The following BRD9 variants were observed in gnomAD, a reference collection of about 807,000 sequenced individuals.
BRD9 encodes bromodomain containing 9, also known as bromodomain-containing protein 9.
BRD9 carries 47 observed loss-of-function variants against 68.7 expected under a neutral mutation model. The ratio of observed to expected loss-of-function variants is 0.68; its 90% confidence interval spans 0.54 to 0.87. BRD9 has a LOEUF of 0.87. Among genes scored for constraint, BRD9 ranks in the 40% least tolerant of loss-of-function variants. The pLI, the probability that BRD9 is intolerant of heterozygous loss-of-function variation, is 0.00. For synonymous variants in BRD9, 313 were observed against 293.9 expected (o/e 1.06, Z -0.67); for missense variants, 670 against 748.4 (o/e 0.90, Z 1.22).
chr5:866,810 G>GA (rs1248553205), intron 14 of BRD9, among the ~76,000 whole-genome samples: 1 of 152,148 alleles, frequency 6.6e-6, no homozygotes, highest in Admixed American at 6.5e-5. Context: ...TGCACAAACA[G>GA]AAAAATGACC....
In BRD9 at chr5:870,486, C is replaced by T; in HGVS notation, c.1512G>A (p.Met504Ile). Residue 504 changes from methionine (M) to isoleucine (I), a missense_variant, in exon 14 of 16, where the codon ATG (methionine) becomes ATA (isoleucine). By Grantham distance (10) the Met-to-Ile change is conservative. Transcript: ENST00000467963. ...GTTACAACTCACCCAGAGAGCTGAGCATGGAGATATCCACAGAAACGTCGG... is the reference window on the plus strand; with the variant it reads ...GTTACAACTCACCCAGAGAGCTGAGTATGGAGATATCCACAGAAACGTCGG... ...SYPDVSVDISMLSSLGKVKKE... is the reference protein window; with the variant it reads ...SYPDVSVDISILSSLGKVKKE... 1 of 1,613,704 alleles carries T rather than the reference C, an allele frequency of 6.2e-7. No individual in the cohort carries two copies. The highest frequency in any genetic ancestry group is 1.7e-5 in the Admixed American group (1 of 60,014).
At position 886,398 on chromosome 5, in the gene BRD9, CAG is replaced by C. The variant is rs1213928744; in HGVS notation, c.833+192_833+193del. ...ACGGGCTTGGGTACCACACCTGGGT[CAG>C]AGAGTGCACGTGGCCGGTGGGCAGG... is the stretch of plus-strand genomic sequence containing the variant. On this transcript the variant is annotated intron_variant, in intron 7 of 15. Coordinates refer to ENST00000467963, the MANE Select transcript of BRD9 (RefSeq NM_023924.5). Among the ~76,000 whole-genome samples the C allele has an allele frequency of 2.0e-5, 3 of 152,152 alleles. No homozygotes were observed. The East Asian group carries it at 5.8e-4, about 29-fold the overall frequency.
rs138580367 is a variant in BRD9 at position 870,052 on chromosome 5, G to A, written c.1525+421C>T. 1.8e-3 allele frequency among the ~76,000 whole-genome samples: 272 copies of A among 152,338 alleles called. 2 individuals are homozygous for A. The highest frequency in any genetic ancestry group is 6.3e-3 in the African/African-American group (262 of 41,574). On this transcript the variant is annotated intron_variant, in intron 14 of 15. Coordinates refer to ENST00000467963, the MANE Select transcript of BRD9 (RefSeq NM_023924.5). The stretch of plus-strand genomic sequence containing the variant: ...TTCTGCGGGGTGTCACCCAGGGTAC[G>A]GATGGGCCCCAGGTGGGAGCGATGC...
intron 8 of BRD9, chr5:883,670 A>G: frequency 1.8e-6 from 1 of 541,136 alleles, no homozygotes; most frequent in Non-Finnish European, 3.3e-6. Flanking sequence ...ATTAGCCTGC[A>G]GCAGGGCCTC....
chr5:891,340 C>G (rs1753359288), intron 2 of BRD9, 53 bp from the exon 3 acceptor site: 2 of 1,531,202 alleles, frequency 1.3e-6, no homozygotes, highest in Admixed American at 4.0e-5. Flanking sequence ...GGGATCCGGA[C>G]AGGTCTGCCC....
chr5:883,886 C>T (rs949607715), intron 8 of BRD9, 52 bp downstream of exon 8: 1 of 1,586,878 alleles, frequency 6.3e-7, no homozygotes, highest in Non-Finnish European at 8.6e-7. Context: ...GAGAGGCACA[C>T]AGAGAGTCTG....
intron 11 of BRD9, among the ~76,000 whole-genome samples, chr5:877,469 T>C (rs1380868665): frequency 3.3e-5 from 5 of 152,276 alleles, no homozygotes; most frequent in African/African-American, 1.2e-4. Context: ...TAAAACATAT[T>C]CTGCATTCTT....
intron 12 of BRD9, among the ~76,000 whole-genome samples, chr5:872,296 T>A (rs1414287150): frequency 6.6e-6 from 1 of 152,258 alleles, no homozygotes; most frequent in East Asian, 1.9e-4. Context: ...TGCTGTTTTG[T>A]TCGCATCTGT....
chr5:873,907 G>A (rs574830811), intron 12 of BRD9, among the ~76,000 whole-genome samples: 98 of 152,290 alleles, frequency 6.4e-4, no homozygotes, highest in African/African-American at 2.3e-3. Context: ...GCTCCCCGAA[G>A]GGCCACTCCT....
rs1560896959 is a variant in BRD9 at position 871,567 on chromosome 5, GA to G, written c.1384-4del. ...GGCTTCATGGGAACATTTCTTCTCT[GA>G]AAAGTAAATGAGGACAGAAACTAGT... On this transcript the variant is annotated splice_polypyrimidine_tract_variant and splice_region_variant and intron_variant, in intron 12 of 15. Coordinates refer to ENST00000467963, the MANE Select transcript of BRD9 (RefSeq NM_023924.5). 1 of 1,614,006 alleles carries G rather than the reference GA, an allele frequency of 6.2e-7. No homozygotes were observed. The highest frequency in any genetic ancestry group is 2.2e-5 in the East Asian group (1 of 44,890).
At chr5:877,212 C>T (rs1039470952) in intron 11 of BRD9, among the ~76,000 whole-genome samples, 2 of 152,196 alleles carry the variant, frequency 1.3e-5, no homozygotes, top group Non-Finnish European at 2.9e-5. Context: ...GAGCCGACTG[C>T]GGACAGGATG....
intron 3 of BRD9, 109 bp from the exon 4 acceptor site, chr5:889,756 TC>T: frequency 6.5e-7 from 1 of 1,542,782 alleles, no homozygotes; most frequent in African/African-American, 1.4e-5. Context: ...CATTTTAAGT[TC>T]CACCGAGAAC....
intron 1 of BRD9, 37 bp downstream of exon 1, chr5:892,569 C>A: frequency 1.3e-6 from 2 of 1,532,264 alleles, no homozygotes; most frequent in South Asian, 1.2e-5. Flanking sequence ...TGCCCGGGAC[C>A]CCGCCCGCCG....
At chr5:865,236 G>A (rs959839769) in intron 15 of BRD9, among the ~76,000 whole-genome samples, 178 bp downstream of exon 15, 7 of 152,220 alleles carry the variant, frequency 4.6e-5, no homozygotes, top group South Asian at 2.1e-4. Flanking sequence ...GCTCCGCTCC[G>A]GCTCTGCACC....
chr5:886,029 T>G (rs1043454289), intron 7 of BRD9, among the ~76,000 whole-genome samples: 1 of 152,182 alleles, frequency 6.6e-6, no homozygotes, highest in Non-Finnish European at 1.5e-5. Flanking sequence ...CTGCTCCCTG[T>G]GGGAGGGAGC....
chr5:886,541 G>T, intron 7 of BRD9, 51 bp downstream of exon 7: 1 of 1,526,882 alleles, frequency 6.5e-7, no homozygotes, highest in South Asian at 1.2e-5. Flanking sequence ...CTGCTTTCCT[G>T]GCTATGGTGC....
At chr5:874,183 G>C (rs548240790) in intron 12 of BRD9, among the ~76,000 whole-genome samples, 7 of 152,032 alleles carry the variant, frequency 4.6e-5, no homozygotes, top group East Asian at 1.9e-4. Context: ...CTGCAGCCTC[G>C]ACCTCCCGGC....
chr5:870,259 T>G, intron 14 of BRD9: 1 of 535,924 alleles, frequency 1.9e-6, no homozygotes, highest in Non-Finnish European at 3.3e-6. Context: ...CTGCAACCAC[T>G]TCTCATTAGC....
intron 12 of BRD9, among the ~76,000 whole-genome samples, chr5:875,636 C>T (rs115839311): frequency 6.6e-6 from 1 of 152,272 alleles, no homozygotes; most frequent in Non-Finnish European, 1.5e-5. Context: ...TGTGAGCCAC[C>T]ATGCTTGGCC....
Sources: gnomAD v4.1 joint callset for allele counts (sites outside exome capture counted in the v4.1 genomes callset) on GRCh38, gnomAD v4.1.1 for gene constraint, MANE v1.5 for transcripts, NCBI Gene and HGNC (gene_info 2026-07-23, HGNC 2026-07-21) for gene names.